Variants in BTBD9 observed in about 807,000 individuals in gnomAD.
The protein encoded by BTBD9 is BTB/POZ domain-containing protein 9.
Under a neutral mutation model 64.3 loss-of-function variants are expected in BTBD9, and 49 were observed. The ratio of observed to expected loss-of-function variants is 0.76; its 90% CI spans 0.61 to 0.97. The LOEUF is 0.97. Among genes scored for constraint, BTBD9 ranks in the 50% least tolerant of loss-of-function variants. The probability of loss-of-function intolerance (pLI) is 0.00; values close to 1 mark genes in which losing one functional copy is unlikely to be tolerated. For synonymous variants in BTBD9, 260 were observed against 274.7 expected (o/e 0.95, Z 0.53); for missense variants, 598 against 762.1 (o/e 0.78, Z 2.53).
intron 6 of BTBD9, among the ~76,000 whole-genome samples, chr6:38,375,458 A>G (rs923718096): frequency 1.3e-5 from 2 of 152,204 alleles, no homozygotes; most frequent in African/African-American, 4.8e-5. Context: ...ACCAAATTCT[A>G]GTCATTGCAT....
chr6:38,202,507 AC>A (rs1341877324), intron 9 of BTBD9, among the ~76,000 whole-genome samples: 19 of 152,208 alleles, frequency 1.2e-4, no homozygotes. Flanking sequence ...TGCAGTCACT[AC>A]CTGACTTCAA....
At chr6:38,412,978 A>G (rs1486043034) in intron 6 of BTBD9, among the ~76,000 whole-genome samples, 1 of 149,660 alleles carries the variant, frequency 6.7e-6, no homozygotes, top group Non-Finnish European at 1.5e-5. Context: ...CATGGACTAT[A>G]TAAAGTGGTA....
intron 6 of BTBD9, among the ~76,000 whole-genome samples, chr6:38,366,226 AGAT>A (rs1312490162): frequency 1.3e-5 from 2 of 152,236 alleles, no homozygotes; most frequent in African/African-American, 4.8e-5. Flanking sequence ...TCACTTGTCT[AGAT>A]AAGAGGGTGA....
intron 10 of BTBD9, among the ~76,000 whole-genome samples, chr6:38,187,800 C>T (rs917400254): frequency 2.0e-5 from 3 of 152,158 alleles, no homozygotes; most frequent in Non-Finnish European, 4.4e-5. Flanking sequence ...TAAATGAATT[C>T]GTTGCTGCGG....
rs542321032 is a variant in BTBD9 at position 38,603,692 on chromosome 6, G to A, written c.-27-5571C>T. ...AAGGTGGAGACGCCAAAGAGTCCTT[G>A]AACACTGTATGAATCTCCCCTGGGA... On this transcript the variant is annotated intron_variant, in intron 1 of 10. Transcript: ENST00000481247. 1.1e-4 allele frequency among the ~76,000 whole-genome samples: 16 copies of A among 152,322 alleles called. No homozygotes were observed. In the South Asian group the frequency reaches 2.7e-3, roughly 26 times the overall value.
At chr6:38,282,160 G>C (rs896481280) in intron 8 of BTBD9, among the ~76,000 whole-genome samples, 5 of 152,090 alleles carry the variant, frequency 3.3e-5, no homozygotes, top group Admixed American at 2.0e-4. Flanking sequence ...CTTTTTATGT[G>C]GTCAAGCCTC....
At position 38,518,391 on chromosome 6, in the gene BTBD9, T is replaced by C. The variant is rs142190019; in HGVS notation, c.1154+59209A>G. On this transcript the variant is annotated intron_variant, in intron 6 of 10. Transcript: ENST00000481247. Reference sequence around the variant, plus strand: ...CCATTATCTTCACCAATGACTGATATGCGAGTGATAATTTCAACTGGTTCT... The same window carrying C: ...CCATTATCTTCACCAATGACTGATACGCGAGTGATAATTTCAACTGGTTCT... 1.5e-4 allele frequency among the ~76,000 whole-genome samples: 23 copies of C among 152,346 alleles called. No individual in the cohort carries two copies. The East Asian group carries it at 4.2e-3, about 28-fold the overall frequency.
intron 6 of BTBD9, among the ~76,000 whole-genome samples, chr6:38,549,973 C>T (rs548436450): frequency 6.6e-6 from 1 of 152,142 alleles, no homozygotes; most frequent in Non-Finnish European, 1.5e-5. Flanking sequence ...AAACTATCCT[C>T]GCTGAGCCAC....
chr6:38,233,461 C>T (rs887498339), intron 9 of BTBD9, among the ~76,000 whole-genome samples: 4 of 152,150 alleles, frequency 2.6e-5, no homozygotes, highest in Non-Finnish European at 2.9e-5. Flanking sequence ...TCTAACAGTG[C>T]GGTATTCTGG....
intron 6 of BTBD9, among the ~76,000 whole-genome samples, chr6:38,347,748 C>T (rs1040498526): frequency 6.6e-6 from 1 of 152,116 alleles, no homozygotes; most frequent in African/African-American, 2.4e-5. Context: ...TGTAATCCCA[C>T]CACATTGGGA....
intron 9 of BTBD9, among the ~76,000 whole-genome samples, chr6:38,254,286 T>C (rs1764501067): frequency 6.6e-6 from 1 of 151,964 alleles, no homozygotes; most frequent in African/African-American, 2.4e-5. Context: ...ATACTGAAGC[T>C]TATTTGTTAC....
intron 9 of BTBD9, among the ~76,000 whole-genome samples, chr6:38,209,801 G>C (rs987473352): frequency 3.3e-5 from 5 of 152,220 alleles, no homozygotes; most frequent in African/African-American, 1.2e-4. Context: ...GGGATTCCTT[G>C]ATCTAGGTAG....
At chr6:38,179,224 C>A (rs1761430402) in intron 10 of BTBD9, 1 of 339,814 alleles carries the variant, frequency 2.9e-6, no homozygotes, top group South Asian at 2.3e-5. Flanking sequence ...TTTGTGGTGA[C>A]AAATTCAAAT....
intron 4 of BTBD9, chr6:38,588,173 A>C (rs1161677176): frequency 5.2e-6 from 4 of 774,658 alleles, no homozygotes; most frequent in Non-Finnish European, 9.5e-6. Context: ...GAGTCAGCAG[A>C]CTGGACTCCA....
At chr6:38,394,622 G>A (rs1411489902) in intron 6 of BTBD9, among the ~76,000 whole-genome samples, 1 of 151,562 alleles carries the variant, frequency 6.6e-6, no homozygotes, top group Non-Finnish European at 1.5e-5. Flanking sequence ...TGGTTACAAA[G>A]GTCAGTCCCA....
intron 7 of BTBD9, among the ~76,000 whole-genome samples, chr6:38,335,574 T>A (rs183301991): frequency 1.3e-5 from 2 of 151,246 alleles, no homozygotes; most frequent in Non-Finnish European, 3.0e-5. Context: ...CTTTTTTTTT[T>A]AGTTTTTTTG....
At chr6:38,225,979 C>T (rs2127512573) in intron 9 of BTBD9, among the ~76,000 whole-genome samples, 1 of 152,328 alleles carries the variant, frequency 6.6e-6, no homozygotes, top group East Asian at 1.9e-4. Context: ...AACTATGAGG[C>T]CAAAGGCCAA....
At chr6:38,215,418 G>A (rs1210018874) in intron 9 of BTBD9, among the ~76,000 whole-genome samples, 1 of 152,130 alleles carries the variant, frequency 6.6e-6, no homozygotes, top group Non-Finnish European at 1.5e-5. Flanking sequence ...ACCCACGCGC[G>A]AGTGAACAGC....
intron 1 of BTBD9, among the ~76,000 whole-genome samples, chr6:38,611,114 A>G (rs1322927315): frequency 6.6e-6 from 1 of 152,166 alleles, no homozygotes; most frequent in Non-Finnish European, 1.5e-5. Context: ...ATGTGAGGAT[A>G]TATATGTGTT....
Sources: gnomAD v4.1 joint callset for allele counts (sites outside exome capture counted in the v4.1 genomes callset) on GRCh38, gnomAD v4.1.1 for gene constraint, MANE v1.5 for transcripts, NCBI Gene and HGNC (gene_info 2026-07-23, HGNC 2026-07-21) for gene names.